The following ZNF438 variants were observed in gnomAD, a reference collection of about 807,000 sequenced individuals.
ZNF438 encodes zinc finger protein 438.
In ZNF438, 25 loss-of-function variants were observed where a neutral mutation model predicts 38.0. The ratio of observed to expected loss-of-function variants is 0.66; its 90% CI spans 0.48 to 0.92. ZNF438 has a LOEUF of 0.92. ZNF438 is among the 40% of genes least tolerant of loss of function. The pLI, the probability that ZNF438 is intolerant of heterozygous loss-of-function variation, is 0.00. For synonymous variants in ZNF438, 372 were observed against 364.1 expected (o/e 1.02, Z -0.25); for missense variants, 1,007 against 999.6 (o/e 1.01, Z -0.10).
intron 2 of ZNF438, among the ~76,000 whole-genome samples, chr10:30,922,335 G>A (rs1231266629): frequency 2.0e-5 from 3 of 152,180 alleles, no homozygotes; most frequent in East Asian, 3.9e-4. Context: ...GGTTGTCATG[G>A]AGGCATATAT....
chr10:30,950,334 AAGAACT>A (rs1376361820), intron 1 of ZNF438, among the ~76,000 whole-genome samples: 7 of 151,392 alleles, frequency 4.6e-5, no homozygotes, highest in Admixed American at 3.9e-4. Context: ...TCACAATTAA[AAGAACT>A]AGAAAAGCAA....
At position 30,875,649 on chromosome 10, in the gene ZNF438, G is replaced by A. The variant is rs370132810; in HGVS notation, c.37+1349C>T. ...CACATGCTCTTTATTTCTAGTTGGGGTTTGCCCATCTCCTTTCTTGCCCTA... is the reference window on the plus strand; with the variant it reads ...CACATGCTCTTTATTTCTAGTTGGGATTTGCCCATCTCCTTTCTTGCCCTA... On this transcript the variant is annotated intron_variant, in intron 4 of 5. Transcript: ENST00000413025. 42 of 924,578 alleles carry A rather than the reference G, an allele frequency of 4.5e-5. No individual in the cohort carries two copies. In the African/African-American group the frequency reaches 6.8e-4, roughly 15 times the overall value. 57.3% of individuals were successfully genotyped at this position (924,578 alleles called of 1,614,324 possible). A position where few individuals can be genotyped will look rare whatever the true frequency, so the allele number is the denominator to read the frequency against.
At chr10:31,024,870 A>G (rs1298230409) in intron 1 of ZNF438, among the ~76,000 whole-genome samples, 1 of 152,228 alleles carries the variant, frequency 6.6e-6, no homozygotes, top group East Asian at 1.9e-4. Flanking sequence ...ATATACAACA[A>G]TAAAGGGAAT....
At chr10:30,994,801 T>C (rs1250826817) in intron 1 of ZNF438, among the ~76,000 whole-genome samples, 1 of 151,824 alleles carries the variant, frequency 6.6e-6, no homozygotes, top group Non-Finnish European at 1.5e-5. Context: ...GAGGCCGAGG[T>C]GGGAGGATTG....
intron 4 of ZNF438, among the ~76,000 whole-genome samples, chr10:30,876,361 T>C (rs539622029): frequency 6.6e-6 from 1 of 152,198 alleles, no homozygotes; most frequent in South Asian, 2.1e-4. Flanking sequence ...CTCCCCGGGG[T>C]TAGAGTGTAC....
At chr10:30,935,985 G>T (rs2046213490) in intron 2 of ZNF438, among the ~76,000 whole-genome samples, 1 of 152,104 alleles carries the variant, frequency 6.6e-6, no homozygotes, top group African/African-American at 2.4e-5. Context: ...CCATATCAGA[G>T]GGGACAAACA....
intron 1 of ZNF438, among the ~76,000 whole-genome samples, chr10:30,991,161 G>A (rs1357406967): frequency 6.6e-6 from 1 of 152,210 alleles, no homozygotes; most frequent in Non-Finnish European, 1.5e-5. Context: ...TTACTCGAGA[G>A]CTCTAGTCCA....
chr10:30,971,353 G>A (rs1475239431), intron 1 of ZNF438, among the ~76,000 whole-genome samples: 1 of 152,088 alleles, frequency 6.6e-6, no homozygotes, highest in Non-Finnish European at 1.5e-5. Flanking sequence ...AAATGAACCA[G>A]CAATCAACAT....
chr10:30,948,153 C>T (rs536230078), intron 1 of ZNF438, among the ~76,000 whole-genome samples: 31 of 152,276 alleles, frequency 2.0e-4, no homozygotes, highest in East Asian at 9.6e-4. Context: ...ACATCTCACA[C>T]GGCAGGGTAT....
intron 1 of ZNF438, among the ~76,000 whole-genome samples, chr10:30,955,717 T>C (rs1041171210): frequency 7.2e-5 from 11 of 152,310 alleles, no homozygotes; most frequent in African/African-American, 2.4e-4. Flanking sequence ...TTTCAACCCA[T>C]AGAACGATGA....
intron 1 of ZNF438, among the ~76,000 whole-genome samples, chr10:31,021,601 T>C (rs1181865737): frequency 6.6e-6 from 1 of 152,248 alleles, no homozygotes. Flanking sequence ...AATGATTTAT[T>C]ATTTGCTGTT....
exon 6 of ZNF438, chr10:30,844,653 T>C (rs947332396): frequency 7.8e-6 from 2 of 256,858 alleles, no homozygotes; most frequent in Non-Finnish European, 1.5e-5. Context: ...AGAGCTGTAT[T>C]TGAAGAACAG....
intron 3 of ZNF438, among the ~76,000 whole-genome samples, chr10:30,907,513 G>A (rs1027534340): frequency 6.6e-6 from 1 of 152,016 alleles, no homozygotes; most frequent in Admixed American, 6.5e-5. Context: ...GTGTGAAGGG[G>A]GAAATTTTTA....
At chr10:31,010,078 A>G (rs1182829593) in intron 1 of ZNF438, among the ~76,000 whole-genome samples, 1 of 152,016 alleles carries the variant, frequency 6.6e-6, no homozygotes, top group Non-Finnish European at 1.5e-5. Flanking sequence ...TGAACTCCTG[A>G]CCTCGTGATC....
At chr10:30,921,152 G>A (rs956811193) in intron 2 of ZNF438, 11 of 152,118 alleles carry the variant, frequency 7.2e-5, no homozygotes, top group African/African-American at 2.7e-4. Context: ...CTTTGGAGAT[G>A]GGTATCATGA....
intron 1 of ZNF438, among the ~76,000 whole-genome samples, chr10:31,008,978 T>C (rs751490332): frequency 7.9e-5 from 12 of 152,208 alleles, no homozygotes; most frequent in Non-Finnish European, 1.8e-4. Context: ...TAGTATCTTA[T>C]GTGGTTTTGA....
intron 2 of ZNF438, among the ~76,000 whole-genome samples, chr10:30,918,629 T>C (rs1180740169): frequency 6.6e-6 from 1 of 152,180 alleles, no homozygotes; most frequent in Admixed American, 6.5e-5. Context: ...TGAGAAAGTT[T>C]AATATTAAAT....
intron 2 of ZNF438, chr10:30,920,916 G>A (rs1213184658): frequency 6.6e-6 from 1 of 152,154 alleles, no homozygotes; most frequent in East Asian, 1.9e-4. Flanking sequence ...CACAATCAAT[G>A]TAGTTTTGTT....
intron 1 of ZNF438, among the ~76,000 whole-genome samples, chr10:30,992,461 G>A (rs1489447342): frequency 6.7e-6 from 1 of 148,298 alleles, no homozygotes; most frequent in African/African-American, 2.5e-5. Flanking sequence ...CGCCCAAGTT[G>A]GAGTGCAATG....
Sources: allele counts gnomAD v4.1 joint callset (sites outside exome capture counted in the v4.1 genomes callset), GRCh38; gene constraint gnomAD v4.1.1; transcripts MANE v1.5; gene names NCBI Gene and HGNC (gene_info 2026-07-23, HGNC 2026-07-21).